SYT14: variants seen among roughly 807,000 people sequenced by gnomAD.
The protein encoded by SYT14 is synaptotagmin-14.
Under a neutral mutation model 74.2 loss-of-function variants are expected in SYT14, and 32 were observed. The observed-to-expected ratio is 0.43, with a 90% CI of 0.33 to 0.58. The LOEUF (loss-of-function observed/expected upper bound fraction) is 0.58. Among genes scored for constraint, SYT14 ranks in the 20% least tolerant of loss-of-function variants. The pLI, the probability that SYT14 is intolerant of heterozygous loss-of-function variation, is 0.05. For synonymous variants in SYT14, 298 were observed against 337.7 expected (o/e 0.88, Z 1.29); for missense variants, 791 against 981.8 (o/e 0.81, Z 2.60).
exon 7 of SYT14, chr1:210,100,402 T>C: frequency 6.2e-7 from 1 of 1,613,552 alleles, no homozygotes; most frequent in Non-Finnish European, 8.5e-7. Flanking sequence ...TTTAACAAAA[T>C]TGAATCTTCA....
intron 5 of SYT14, among the ~76,000 whole-genome samples, chr1:210,048,998 A>G (rs1270238046): frequency 1.3e-5 from 2 of 152,210 alleles, no homozygotes; most frequent in African/African-American, 4.8e-5. Flanking sequence ...CTTTGACTCC[A>G]TGTCTCGCAT....
At chr1:210,105,200 C>A (rs905576274) in intron 7 of SYT14, among the ~76,000 whole-genome samples, 8 of 152,140 alleles carry the variant, frequency 5.3e-5, no homozygotes, top group Non-Finnish European at 1.0e-4. Context: ...TTCTGATATA[C>A]ATTAAAGTTT....
At chr1:210,118,167 A>G (rs1010693986) in intron 7 of SYT14, among the ~76,000 whole-genome samples, 2 of 152,228 alleles carry the variant, frequency 1.3e-5, no homozygotes, top group African/African-American at 4.8e-5. Flanking sequence ...ATGGTAGATT[A>G]TAACACATAA....
rs367804334 is a variant in SYT14 at position 210,076,509 on chromosome 1, A to G, written c.1313-17813A>G. Among the ~76,000 whole-genome samples the G allele has an allele frequency of 5.9e-5, 9 of 152,178 alleles. No individual in the cohort carries two copies. In the East Asian group the frequency reaches 1.2e-3, roughly 20 times the overall value. On this transcript the variant is annotated intron_variant, in intron 5 of 9. Transcript: ENST00000637265. The stretch of plus-strand genomic sequence containing the variant: ...TATATTTGCCTGTTCCTCGCCTTTC[A>G]TATAAATGGAACAATACAAAAGGTG...
At chr1:210,153,365 A>G (rs1423037501) in intron 7 of SYT14, among the ~76,000 whole-genome samples, 1 of 152,170 alleles carries the variant, frequency 6.6e-6, no homozygotes, top group African/African-American at 2.4e-5. Flanking sequence ...TTTTATTGGA[A>G]TTGAATTTAA....
chr1:209,984,590 A>T (rs1012288475), intron 2 of SYT14, among the ~76,000 whole-genome samples: 3 of 152,108 alleles, frequency 2.0e-5, no homozygotes, highest in African/African-American at 7.2e-5. Context: ...TGTCATTTTC[A>T]TTCTGTCTGA....
chr1:210,110,721 A>C (rs1249035619), intron 7 of SYT14, among the ~76,000 whole-genome samples: 15 of 152,228 alleles, frequency 9.9e-5, no homozygotes, highest in Admixed American at 9.8e-4. Context: ...AATTTAAATC[A>C]TATCTTTATA....
At chr1:210,162,232 T>C (rs1162075257) in exon 10 of SYT14, 3 of 430,628 alleles carry the variant, frequency 7.0e-6, no homozygotes, top group African/African-American at 6.1e-5. Flanking sequence ...GATGTCATCT[T>C]GTGCCTTTCA....
exon 8 of SYT14, chr1:210,155,764 A>G: frequency 6.2e-7 from 1 of 1,614,128 alleles, no homozygotes; most frequent in Non-Finnish European, 8.5e-7. Flanking sequence ...TCGTGTAGTG[A>G]AAGTACATCC....
At chr1:209,984,154 T>A (rs537345935) in intron 2 of SYT14, among the ~76,000 whole-genome samples, 29 of 152,174 alleles carry the variant, frequency 1.9e-4, no homozygotes, top group Non-Finnish European at 3.7e-4. Flanking sequence ...GCCAGAATGA[T>A]CAAAATGCAC....
At chr1:210,051,837 T>A (rs1246923511) in intron 5 of SYT14, among the ~76,000 whole-genome samples, 1 of 152,218 alleles carries the variant, frequency 6.6e-6, no homozygotes, top group Non-Finnish European at 1.5e-5. Flanking sequence ...CCACTTTTTA[T>A]AGGATATTAA....
chr1:210,139,695 C>T (rs1480637132), intron 7 of SYT14, among the ~76,000 whole-genome samples: 1 of 152,122 alleles, frequency 6.6e-6, no homozygotes, highest in Non-Finnish European at 1.5e-5. Flanking sequence ...TATGGTTTTG[C>T]CTCTTCTGCA....
At chr1:210,097,627 A>G (rs2081989949) in intron 6 of SYT14, among the ~76,000 whole-genome samples, 1 of 152,182 alleles carries the variant, frequency 6.6e-6, no homozygotes, top group South Asian at 2.1e-4. Flanking sequence ...TCGTGATGCT[A>G]TTTTAGAAAA....
At chr1:210,163,585 T>C in exon 10 of SYT14, 1 of 453,430 alleles carries the variant, frequency 2.2e-6, no homozygotes, top group Non-Finnish European at 4.4e-6. Context: ...GGATTATTTT[T>C]CTCCTCTATG....
chr1:210,031,227 A>G (rs1380671236), intron 5 of SYT14, among the ~76,000 whole-genome samples: 1 of 151,378 alleles, frequency 6.6e-6, no homozygotes, highest in Non-Finnish European at 1.5e-5. Context: ...TATGTGATGG[A>G]TAGATTACAT....
At chr1:210,140,335 T>G (rs2082888880) in intron 7 of SYT14, among the ~76,000 whole-genome samples, 2 of 152,228 alleles carry the variant, frequency 1.3e-5, no homozygotes, top group Non-Finnish European at 2.9e-5. Flanking sequence ...TGCCTTTGGA[T>G]AAATTTCTAT....
At chr1:210,003,744 C>G (rs1335563015) in intron 2 of SYT14, among the ~76,000 whole-genome samples, 6 of 152,120 alleles carry the variant, frequency 3.9e-5, no homozygotes, top group African/African-American at 1.2e-4. Flanking sequence ...TTAACTTGCT[C>G]TCTTTAAGCC....
rs904948385 is a variant in SYT14 at position 209,938,346 on chromosome 1, C to T, written c.-534+69C>T. The stretch of plus-strand genomic sequence containing the variant: ...AGCTGGCGGGGGGCTCGGAGGTGCG[C>T]CGGCAGGCCGAGGCGCTGACGGGGC... On this transcript the variant is annotated intron_variant, in intron 1 of 9. Coordinates refer to ENST00000637265, the Ensembl canonical transcript of SYT14. 7 of 1,482,092 alleles carry T rather than the reference C, an allele frequency of 4.7e-6. 1 individual carries two copies. In the African/African-American group the frequency reaches 5.8e-5, roughly 12 times the overall value. 91.8% of individuals were successfully genotyped at this position (1,482,092 alleles called of 1,614,324 possible). A position where few individuals can be genotyped will look rare whatever the true frequency, so the allele number is the denominator to read the frequency against.
intron 7 of SYT14, among the ~76,000 whole-genome samples, chr1:210,109,132 G>A (rs2082212752): frequency 6.6e-6 from 1 of 152,104 alleles, no homozygotes; most frequent in Non-Finnish European, 1.5e-5. Flanking sequence ...ATCAAAAAGT[G>A]GGCAAAGGAT....
Sources: allele counts gnomAD v4.1 joint callset (sites outside exome capture counted in the v4.1 genomes callset), GRCh38; gene constraint gnomAD v4.1.1; transcripts MANE v1.5; gene names NCBI Gene and HGNC (gene_info 2026-07-23, HGNC 2026-07-21).